The following RGS7 variants were observed in gnomAD, a reference collection of about 807,000 sequenced individuals.
RGS7 encodes regulator of G protein signaling 7, also known as regulator of G-protein signaling 7.
Under a neutral mutation model 81.1 loss-of-function variants are expected in RGS7, and 27 were observed. That is an observed-to-expected ratio of 0.33 (90% CI 0.25 to 0.46). RGS7 has a LOEUF of 0.46. RGS7 is among the 20% of genes least tolerant of loss of function. The pLI is 1.00. For synonymous variants in RGS7, 208 were observed against 207.7 expected (o/e 1.00, Z -0.01); for missense variants, 396 against 607.4 (o/e 0.65, Z 3.66).
chr1:241,289,248 G>C (rs945130086), intron 2 of RGS7, among the ~76,000 whole-genome samples: 1 of 152,148 alleles, frequency 6.6e-6, no homozygotes, highest in African/African-American at 2.4e-5. Flanking sequence ...CTCTTCTTCA[G>C]TCAATTCAAA....
rs541346398 is a variant in RGS7, at chr1:241,350,372, CAA to C, written c.78+5325_78+5326del. Among the ~76,000 whole-genome samples the C allele has an allele frequency of 2.2e-3, 330 of 152,248 alleles. 3 individuals are homozygous for C. The highest frequency in any genetic ancestry group is 7.3e-3 in the African/African-American group (304 of 41,552). On this transcript the variant is annotated intron_variant, in intron 2 of 18. Transcript: ENST00000440928. ...AGTTTCTTTCAAATAATCTGATTTA[CAA>C]AAGACACTCCATTTAAAAATTTTTC...
At chr1:241,198,404 G>A (rs2147835381) in intron 2 of RGS7, among the ~76,000 whole-genome samples, 1 of 152,062 alleles carries the variant, frequency 6.6e-6, no homozygotes, top group Non-Finnish European at 1.5e-5. Context: ...AAGAAAAAAG[G>A]TGGTTCTTTG....
At chr1:240,799,352 G>GT (rs10714860) in intron 18 of RGS7, among the ~76,000 whole-genome samples, 73,282 of 142,382 alleles carry the variant, frequency 0.51, 21,356 homozygotes, top group Non-Finnish European at 0.66. Flanking sequence ...AATTCCAGTT[G>GT]TTTTTTTTTT....
At chr1:240,848,552 G>A (rs960500075) in intron 9 of RGS7, among the ~76,000 whole-genome samples, 7 of 151,486 alleles carry the variant, frequency 4.6e-5, no homozygotes, top group African/African-American at 1.7e-4. Flanking sequence ...AGATACAAAT[G>A]TAAGGTCCAG....
chr1:240,863,107 A>G (rs1257385535), intron 9 of RGS7, among the ~76,000 whole-genome samples: 1 of 152,170 alleles, frequency 6.6e-6, no homozygotes, highest in Non-Finnish European at 1.5e-5. Flanking sequence ...GGCATGCACC[A>G]TCATACCTGG....
chr1:240,904,337 C>A (rs527449296), intron 6 of RGS7, among the ~76,000 whole-genome samples: 1 of 152,310 alleles, frequency 6.6e-6, no homozygotes, highest in African/African-American at 2.4e-5. Context: ...CACTCTGCTG[C>A]ATTTTGTGTG....
chr1:241,089,092 T>TATATATATATATATATAC lies in RGS7; in HGVS notation c.175+9573_175+9574insGTATATATATATATATAT, dbSNP rs1335136344. On this transcript the variant is annotated intron_variant, in intron 3 of 18. Transcript: ENST00000440928. ...ATATATATATATATATATATATATA[T>TATATATATATATATATAC]ATATACTGGCTTAGACCTAAGGTGA... is the stretch of plus-strand genomic sequence containing the variant. 1.5e-3 allele frequency among the ~76,000 whole-genome samples: 148 copies of TATATATATATATATATAC among 100,076 alleles called. 4 individuals are homozygous for TATATATATATATATATAC. Among genetic ancestry groups the TATATATATATATATATAC allele is most frequent in the Middle Eastern group, 8.9e-3 (2 of 224 alleles). The allele number at this position is 100,076 out of a possible 152,430, so 65.7% of individuals were successfully genotyped here. A position where few individuals can be genotyped will look rare whatever the true frequency, so the allele number is the denominator to read the frequency against.
chr1:240,864,039 G>A (rs937877698), intron 9 of RGS7, among the ~76,000 whole-genome samples: 1 of 152,120 alleles, frequency 6.6e-6, no homozygotes, highest in South Asian at 2.1e-4. Context: ...ACCTGAGTAC[G>A]TCCTATAAAC....
intron 9 of RGS7, among the ~76,000 whole-genome samples, chr1:240,853,780 A>T (rs1412081329): frequency 6.6e-6 from 1 of 151,680 alleles, no homozygotes; most frequent in Non-Finnish European, 1.5e-5. Context: ...GGGCACCTGT[A>T]GTCCCAGCTA....
chr1:240,886,330 C>T (rs1362883158), intron 6 of RGS7, among the ~76,000 whole-genome samples: 4 of 152,136 alleles, frequency 2.6e-5, no homozygotes, highest in Non-Finnish European at 4.4e-5. Context: ...CCAGAGGAGC[C>T]GTGTGACTTT....
chr1:241,100,605 A>T (rs903826823), intron 2 of RGS7, among the ~76,000 whole-genome samples: 9 of 152,164 alleles, frequency 5.9e-5, no homozygotes, highest in Non-Finnish European at 2.9e-5. Flanking sequence ...TTCTTTGAGT[A>T]AGTTAAATAA....
chr1:240,954,393 C>T (rs1271277935), intron 4 of RGS7, among the ~76,000 whole-genome samples: 1 of 152,066 alleles, frequency 6.6e-6, no homozygotes, highest in Non-Finnish European at 1.5e-5. Context: ...AAGAATTATA[C>T]ACCACAACCA....
intron 4 of RGS7, among the ~76,000 whole-genome samples, chr1:240,970,291 C>T (rs6675601): frequency 0.41 from 62,385 of 152,090 alleles, 13,317 homozygotes; most frequent in East Asian, 0.68. Context: ...GGGGGAAATA[C>T]CCCCTACTTT....
intron 2 of RGS7, among the ~76,000 whole-genome samples, chr1:241,209,886 A>C (rs1037116102): frequency 3.3e-5 from 5 of 152,024 alleles, no homozygotes; most frequent in Non-Finnish European, 7.4e-5. Context: ...ATATATTATT[A>C]ACTCATTTAA....
intron 6 of RGS7, among the ~76,000 whole-genome samples, chr1:240,891,744 T>C (rs745331331): frequency 1.7e-4 from 26 of 152,254 alleles, no homozygotes; most frequent in Admixed American, 1.6e-3. Flanking sequence ...TATTTTGCTA[T>C]ACATTTCACA....
intron 18 of RGS7, among the ~76,000 whole-genome samples, chr1:240,788,880 G>A (rs546663005): frequency 3.9e-5 from 6 of 152,310 alleles, no homozygotes; most frequent in African/African-American, 9.6e-5. Flanking sequence ...GTTCACGCCT[G>A]TAATCCCAGC....
chr1:240,857,899 C>T (rs760955526), intron 9 of RGS7, among the ~76,000 whole-genome samples: 1 of 152,102 alleles, frequency 6.6e-6, no homozygotes, highest in Non-Finnish European at 1.5e-5. Flanking sequence ...GGAGATCTGA[C>T]GGTTTTATAA....
intron 3 of RGS7, among the ~76,000 whole-genome samples, chr1:241,017,010 G>A (rs1200084535): frequency 6.6e-6 from 1 of 151,776 alleles, no homozygotes; most frequent in Non-Finnish European, 1.5e-5. Context: ...ACTTTTTAAG[G>A]AGTTGCCATA....
intron 2 of RGS7, among the ~76,000 whole-genome samples, chr1:241,128,799 A>C (rs2066878203): frequency 2.2e-5 from 3 of 135,856 alleles, no homozygotes; most frequent in African/African-American, 5.4e-5. Context: ...AAAAAAAAAA[A>C]CTCTTCAGAG....
Sources: allele counts gnomAD v4.1 joint callset (sites outside exome capture counted in the v4.1 genomes callset), GRCh38; gene constraint gnomAD v4.1.1; transcripts MANE v1.5; gene names NCBI Gene and HGNC (gene_info 2026-07-23, HGNC 2026-07-21).